Variants in MAD1L1 observed in about 807,000 individuals in gnomAD.
The protein encoded by MAD1L1 is mitotic arrest deficient 1 like 1.
MAD1L1 carries 95 observed loss-of-function variants against 96.9 expected under a neutral mutation model. That is an observed-to-expected ratio of 0.98 (90% CI 0.83 to 1.16). MAD1L1 has a LOEUF of 1.16. Among genes scored for constraint, MAD1L1 ranks in the 50% most tolerant of loss-of-function variants. MAD1L1 has a pLI of 0.00. For synonymous variants in MAD1L1, 473 were observed against 396.6 expected (o/e 1.19, Z -2.29); for missense variants, 1,007 against 954.4 (o/e 1.06, Z -0.73).
At position 2,114,160 on chromosome 7, in the gene MAD1L1, T is replaced by C. The variant is rs1787534967; in HGVS notation, c.1073+34992A>G. ...GCGTCGAAACATTCTCCACGACTTC[T>C]GCAACTTTCCTGTCAGTGTAACATT... On this transcript the variant is annotated intron_variant, in intron 11 of 18. Coordinates refer to ENST00000265854, the MANE Select transcript of MAD1L1 (RefSeq NM_001013836.2). This position sits in a 1 kb window ranked among gnomAD's most constrained non-coding sequence, Gnocchi z 4.2. Among the ~76,000 whole-genome samples, 2 of 152,262 alleles carry C rather than the reference T, an allele frequency of 1.3e-5. No individual in the cohort carries two copies. Among genetic ancestry groups the C allele is most frequent in the African/African-American group, 4.8e-5 (2 of 41,468 alleles).
intron 18 of MAD1L1, among the ~76,000 whole-genome samples, chr7:1,834,350 C>T (rs1435261009): frequency 6.6e-6 from 1 of 152,086 alleles, no homozygotes; most frequent in Non-Finnish European, 1.5e-5. Context: ...AACAAAAAAG[C>T]AGTAGAAATA....
At chr7:1,996,027 G>C (rs1781537561) in intron 14 of MAD1L1, among the ~76,000 whole-genome samples, 1 of 152,236 alleles carries the variant, frequency 6.6e-6, no homozygotes, top group Non-Finnish European at 1.5e-5. Flanking sequence ...ATGAGGACCA[G>C]CACTGACGAG....
intron 17 of MAD1L1, among the ~76,000 whole-genome samples, chr7:1,935,576 G>T (rs1202169810): frequency 1.3e-5 from 2 of 152,188 alleles, no homozygotes; most frequent in Non-Finnish European, 2.9e-5. Flanking sequence ...TCCCCACAAA[G>T]GAGCGGGGCA....
At chr7:2,154,497 C>G (rs1339469335) in intron 10 of MAD1L1, among the ~76,000 whole-genome samples, 1 of 152,092 alleles carries the variant, frequency 6.6e-6, no homozygotes, top group Non-Finnish European at 1.5e-5. Context: ...GAATTTTTCC[C>G]AATACGTGGA....
intron 13 of MAD1L1, among the ~76,000 whole-genome samples, chr7:2,003,487 G>A (rs1165779256): frequency 6.6e-6 from 1 of 152,116 alleles, no homozygotes; most frequent in East Asian, 1.9e-4. Context: ...GCCAGAGCCA[G>A]GCTCTGGACT....
intron 5 of MAD1L1, chr7:2,221,089 G>C (rs7800394): frequency 2.6e-5 from 39 of 1,517,472 alleles, no homozygotes; most frequent in Non-Finnish European, 3.1e-5. Context: ...CGGCCACCTC[G>C]GCTTAGACAT....
intron 12 of MAD1L1, among the ~76,000 whole-genome samples, chr7:2,066,835 C>T (rs1345374220): frequency 6.6e-6 from 1 of 152,242 alleles, no homozygotes; most frequent in African/African-American, 2.4e-5. Flanking sequence ...TCACAGGCTG[C>T]AGGCCAGACC....
intron 18 of MAD1L1, among the ~76,000 whole-genome samples, chr7:1,884,910 G>C (rs983308319): frequency 6.6e-6 from 1 of 152,236 alleles, no homozygotes; most frequent in African/African-American, 2.4e-5. Context: ...CTGCTCTGGG[G>C]ACACAGTGTG....
chr7:1,923,231 G>C (rs948156164), intron 17 of MAD1L1, among the ~76,000 whole-genome samples: 1 of 152,212 alleles, frequency 6.6e-6, no homozygotes, highest in Non-Finnish European at 1.5e-5. Context: ...TACTGGGTGA[G>C]TTCTGCAGTC....
At chr7:2,004,751 T>A (rs578041691) in intron 13 of MAD1L1, among the ~76,000 whole-genome samples, 11 of 152,356 alleles carry the variant, frequency 7.2e-5, no homozygotes, top group African/African-American at 2.4e-4. Context: ...GAGTGATGTG[T>A]GTCTGAAGAC....
At chr7:2,204,556 G>A (rs1792491201) in intron 10 of MAD1L1, among the ~76,000 whole-genome samples, 1 of 152,218 alleles carries the variant, frequency 6.6e-6, no homozygotes, top group African/African-American at 2.4e-5. Flanking sequence ...TCAATGGGAT[G>A]GTATAGTAAG....
At chr7:2,132,210 A>G (rs530155507) in intron 11 of MAD1L1, among the ~76,000 whole-genome samples, 3 of 152,298 alleles carry the variant, frequency 2.0e-5, no homozygotes, top group Admixed American at 2.0e-4. Flanking sequence ...AGGAGAAATG[A>G]GAGTTCTCAT....
chr7:1,938,528 G>A (rs1297171152), intron 16 of MAD1L1, among the ~76,000 whole-genome samples: 4 of 151,882 alleles, frequency 2.6e-5, no homozygotes, highest in Non-Finnish European at 5.9e-5. Context: ...TCTGAGAAAG[G>A]GTTCAGATCC....
intron 18 of MAD1L1, among the ~76,000 whole-genome samples, chr7:1,858,596 G>A (rs1255090989): frequency 3.9e-5 from 6 of 152,214 alleles, no homozygotes; most frequent in Non-Finnish European, 5.9e-5. Context: ...GGACGCCCGC[G>A]GTGCCTCCTC....
At chr7:1,873,392 G>A (rs1487271731) in intron 18 of MAD1L1, among the ~76,000 whole-genome samples, 1 of 152,106 alleles carries the variant, frequency 6.6e-6, no homozygotes, top group African/African-American at 2.4e-5. Context: ...GAGGAGGTTG[G>A]GGAGGCCTCA....
rs900432620 is a variant in MAD1L1 at position 2,230,740 on chromosome 7, GGA to G, written c.-189-15_-189-14del. On this transcript the variant is annotated splice_polypyrimidine_tract_variant and intron_variant, in intron 1 of 18. Coordinates refer to ENST00000265854, the MANE Select transcript of MAD1L1 (RefSeq NM_001013836.2). The stretch of plus-strand genomic sequence containing the variant: ...GCTTGGAGTGCTGCTGTTGAGGAGA[GGA>G]GAGGAAGAGTGTATCCCAGCTCCTG... 2 of 153,410 alleles carry G rather than the reference GGA, an allele frequency of 1.3e-5. No individual in the cohort carries two copies. The highest frequency in any genetic ancestry group is 4.8e-5 in the African/African-American group (2 of 41,440). The allele number at this position is 153,410 out of a possible 1,614,324, so 9.5% of individuals were successfully genotyped here. A position where few individuals can be genotyped will look rare whatever the true frequency, so the allele number is the denominator to read the frequency against.
At chr7:2,149,581 C>T (rs73039233) in intron 10 of MAD1L1, among the ~76,000 whole-genome samples, 4,103 of 152,282 alleles carry the variant, frequency 0.027, 93 homozygotes, top group South Asian at 0.067. Context: ...AGGTGCTCAG[C>T]GAGTTTTAAG....
At chr7:1,937,552 AGGGACAGCCCCCCACAGCAG>A (rs1235946722) in intron 16 of MAD1L1, among the ~76,000 whole-genome samples, 4 of 152,126 alleles carry the variant, frequency 2.6e-5, no homozygotes, top group Non-Finnish European at 1.5e-5. Flanking sequence ...GCCCTGCAGC[AGGGACAGCCCCCCACAGCAG>A]GGGACAGCCG....
chr7:1,982,428 C>T (rs79950306), intron 14 of MAD1L1, among the ~76,000 whole-genome samples: 3 of 152,010 alleles, frequency 2.0e-5, no homozygotes. Flanking sequence ...AGGCTGGTCC[C>T]GATCTCCTGA....
Sources: allele counts gnomAD v4.1 joint callset (sites outside exome capture counted in the v4.1 genomes callset), GRCh38; gene constraint gnomAD v4.1.1; non-coding constraint Gnocchi (gnomAD v3.1); transcripts MANE v1.5; gene names NCBI Gene and HGNC (gene_info 2026-07-23, HGNC 2026-07-21).